Variants in COLGALT2 observed in about 807,000 individuals in gnomAD.
COLGALT2 encodes the protein procollagen galactosyltransferase 2.
Under a neutral mutation model 73.4 loss-of-function variants are expected in COLGALT2, and 49 were observed. That is an observed-to-expected ratio of 0.67 (90% CI 0.53 to 0.85). The LOEUF (loss-of-function observed/expected upper bound fraction) is 0.85, where lower values mean the gene tolerates loss of function less well. COLGALT2 is among the 40% of genes least tolerant of loss of function. COLGALT2 has a pLI of 0.00. For missense variants in COLGALT2, 722 were observed against 790.2 expected (o/e 0.91, Z 1.03); for synonymous variants, 295 against 307.6 (o/e 0.96, Z 0.43).
chr1:183,997,020 C>T (rs1207985882), intron 1 of COLGALT2, among the ~76,000 whole-genome samples: 1 of 152,126 alleles, frequency 6.6e-6, no homozygotes, highest in African/African-American at 2.4e-5. Flanking sequence ...AATGAATAAA[C>T]AAATTCATGG....
rs767915614 is a variant in COLGALT2, at chr1:183,940,712, G to A, written c.1473C>T (p.Ala491=). ...AGCCCAGGGTCCAGTAGGAATAGTC[G>A]GCTTCGACCAGGTTTGCCACATTGG... ...AVPNVANLVE[A]DYSYWTLGYV... is the part of the protein sequence containing the mutation. Residue 491 remains alanine, a synonymous_variant, in exon 11 of 12, where the codon GCC becomes GCT. Transcript: ENST00000361927. The A allele has an allele frequency of 1.5e-4, 244 of 1,614,080 alleles. No homozygotes were observed. The highest frequency in any genetic ancestry group is 2.1e-4 in the South Asian group (19 of 91,088).
chr1:183,949,070 A>C (rs1249875706), intron 8 of COLGALT2, among the ~76,000 whole-genome samples: 1 of 152,236 alleles, frequency 6.6e-6, no homozygotes, highest in East Asian at 1.9e-4. Context: ...AACATCATTC[A>C]AAGAACTAAA....
intron 3 of COLGALT2, among the ~76,000 whole-genome samples, chr1:183,974,495 C>T (rs1307409787): frequency 2.0e-5 from 3 of 152,188 alleles, no homozygotes; most frequent in Non-Finnish European, 4.4e-5. Flanking sequence ...GGCATTTAAA[C>T]AGCTACACAA....
chr1:183,952,001 C>T (rs562280848), intron 7 of COLGALT2, among the ~76,000 whole-genome samples: 6 of 152,192 alleles, frequency 3.9e-5, no homozygotes, highest in East Asian at 1.9e-4. Flanking sequence ...ATAGACAACA[C>T]GTAGACCATG....
intron 1 of COLGALT2, among the ~76,000 whole-genome samples, chr1:184,004,323 C>T (rs1395048787): frequency 6.6e-6 from 1 of 152,040 alleles, no homozygotes; most frequent in Non-Finnish European, 1.5e-5. Flanking sequence ...GGAAAAAAAC[C>T]CATAACTACC....
chr1:183,933,934 G>A (rs1263854171), downstream of COLGALT2, among the ~76,000 whole-genome samples: 1 of 152,200 alleles, frequency 6.6e-6, no homozygotes, highest in Non-Finnish European at 1.5e-5. Flanking sequence ...TCTTTTTGAG[G>A]GCAGATGGGA....
At position 183,937,034 on chromosome 1, in the gene COLGALT2, A is replaced by C; in HGVS notation, c.*1727T>G. 8.1e-7 allele frequency: 1 copy of C among 1,231,736 alleles called. No individual in the cohort carries two copies. Among genetic ancestry groups the C allele is most frequent in the Non-Finnish European group, 1.0e-6 (1 of 987,968 alleles). 76.3% of individuals were successfully genotyped at this position (1,231,736 alleles called of 1,614,324 possible). ...TCTAGACTCTGAGCCATGCTGTTCAACCTTAATGTGGCAATCAGTATCACA... is the reference window on the plus strand; with the variant it reads ...TCTAGACTCTGAGCCATGCTGTTCACCCTTAATGTGGCAATCAGTATCACA... On this transcript the variant is annotated 3_prime_UTR_variant, in exon 12 of 12. Transcript: ENST00000361927.
Position 183,944,321 on chromosome 1 carries a change from T to C in COLGALT2, c.1272A>G (p.Val424=), listed in dbSNP as rs1173201569. The stretch of plus-strand genomic sequence containing the variant: ...GAGTCTTCTCTAGCTCTCGATCAAT[T>C]ACCTGCAAAAGTCATCAGTAGGAAG... ...FLSHYSVWKE[V]IDRELEKTLV... The change falls in exon 10 of 12, where the codon GTA becomes GTG. Residue 424 remains valine, a splice_region_variant and synonymous_variant. Transcript: ENST00000361927. 3 of 1,611,966 alleles carry C rather than the reference T, an allele frequency of 1.9e-6. No individual in the cohort carries two copies. The highest frequency in any genetic ancestry group is 2.5e-6 in the Non-Finnish European group (3 of 1,179,340).
intron 1 of COLGALT2, among the ~76,000 whole-genome samples, chr1:184,011,311 T>A (rs1289212648): frequency 6.6e-6 from 1 of 152,204 alleles, no homozygotes; most frequent in East Asian, 1.9e-4. Flanking sequence ...TTGGGACCAG[T>A]AAAGCTTTCA....
chr1:183,989,475 C>A (rs533237126), intron 1 of COLGALT2, among the ~76,000 whole-genome samples: 5 of 152,276 alleles, frequency 3.3e-5, no homozygotes, highest in Non-Finnish European at 7.4e-5. Context: ...ACAGGAGGAT[C>A]TCCCTGCTCT....
At position 183,945,556 on chromosome 1, in the gene COLGALT2, T is replaced by C. The variant is rs1227000124; in HGVS notation, c.1145A>G (p.Asn382Ser). The C allele has an allele frequency of 3.7e-6, 6 of 1,614,040 alleles. No individual in the cohort carries two copies. The African/African-American group carries it at 5.3e-5, about 14-fold the overall frequency. Residue 382 changes from asparagine (N) to serine (S), a missense_variant, in exon 9 of 12, where the codon AAC becomes AGC. Physicochemically the swap from Asn to Ser is conservative, Grantham distance 46. Transcript: ENST00000361927. The stretch of plus-strand genomic sequence containing the variant: ...ATTCAGTGCCTTCAGCTGGCTTGTG[T>C]TGAGTGCCCTGCATCACATAAAACA... ...IVEAVDGKAL[N>S]TSQLKALNIE...
intron 1 of COLGALT2, among the ~76,000 whole-genome samples, chr1:184,023,607 A>C (rs1038139451): frequency 6.8e-6 from 1 of 147,084 alleles, no homozygotes; most frequent in African/African-American, 2.5e-5. Flanking sequence ...GCAAATGTCA[A>C]ACTGCTGTTT....
chr1:183,995,073 A>C (rs1671735536), intron 1 of COLGALT2, among the ~76,000 whole-genome samples: 1 of 152,230 alleles, frequency 6.6e-6, no homozygotes, highest in Admixed American at 6.5e-5. Flanking sequence ...GAAATCACCT[A>C]TGAAAAGAAT....
At chr1:184,016,612 G>C (rs1205685811) in intron 1 of COLGALT2, among the ~76,000 whole-genome samples, 2 of 152,284 alleles carry the variant, frequency 1.3e-5, no homozygotes, top group Middle Eastern at 3.4e-3. Context: ...GCTTTTGTGG[G>C]GCTGGAAGCT....
At chr1:183,965,259 A>G (rs1371787982) in intron 5 of COLGALT2, among the ~76,000 whole-genome samples, 1 of 152,188 alleles carries the variant, frequency 6.6e-6, no homozygotes, top group East Asian at 1.9e-4. Context: ...AAGGAAAAAT[A>G]TATTAAAGTT....
chr1:183,936,764 G>A lies in COLGALT2; in HGVS notation c.*1997C>T. On this transcript the variant is annotated 3_prime_UTR_variant, in exon 12 of 12. Coordinates refer to ENST00000361927, the MANE Select transcript of COLGALT2 (RefSeq NM_015101.4). ...TTTCTGGGGGTGGGTGGGAAAGGAAGTCACACTGACAGCTAAGTCTAAGCG... is the reference window on the plus strand; with the variant it reads ...TTTCTGGGGGTGGGTGGGAAAGGAAATCACACTGACAGCTAAGTCTAAGCG... 8.1e-7 allele frequency: 1 copy of A among 1,231,336 alleles called. No individual in the cohort carries two copies. The highest frequency in any genetic ancestry group is 1.0e-6 in the Non-Finnish European group (1 of 987,922). 76.3% of individuals were successfully genotyped at this position (1,231,336 alleles called of 1,614,324 possible).
chr1:183,986,872 C>A (rs1378084260), intron 1 of COLGALT2, among the ~76,000 whole-genome samples: 2 of 152,018 alleles, frequency 1.3e-5, no homozygotes, highest in Non-Finnish European at 2.9e-5. Context: ...TTATTTAGGC[C>A]TTCTAATCCA....
chr1:184,005,655 C>T (rs1021810754), intron 1 of COLGALT2, among the ~76,000 whole-genome samples: 5 of 152,292 alleles, frequency 3.3e-5, no homozygotes, highest in East Asian at 3.9e-4. Context: ...TCTGCCTCTC[C>T]GTCCTCACTC....
intron 9 of COLGALT2, 151 bp downstream of exon 9, chr1:183,945,281 G>T: frequency 2.1e-6 from 2 of 936,592 alleles, no homozygotes; most frequent in Non-Finnish European, 3.2e-6. Context: ...GCTGGTCTTG[G>T]GTCAGAGGGA....
Sources: gnomAD v4.1 joint callset for allele counts (sites outside exome capture counted in the v4.1 genomes callset) on GRCh38, gnomAD v4.1.1 for gene constraint, MANE v1.5 for transcripts, NCBI Gene and HGNC (gene_info 2026-07-23, HGNC 2026-07-21) for gene names.